The following POU6F2 variants were observed in gnomAD, a reference collection of about 807,000 sequenced individuals.
The protein encoded by POU6F2 is POU domain, class 6, transcription factor 2.
POU6F2 carries 31 observed loss-of-function variants against 71.3 expected under a neutral mutation model. That is an observed-to-expected ratio of 0.43 (90% CI 0.33 to 0.59). The LOEUF is 0.59. Among genes scored for constraint, POU6F2 ranks in the 20% least tolerant of loss-of-function variants. POU6F2 has a pLI of 0.04. For missense variants in POU6F2, 783 were observed against 856.8 expected (o/e 0.91, Z 1.07); for synonymous variants, 347 against 355.7 (o/e 0.98, Z 0.27).
At chr7:39,243,750 CTGTT>C (rs972849718) in intron 4 of POU6F2, among the ~76,000 whole-genome samples, 4 of 151,858 alleles carry the variant, frequency 2.6e-5, no homozygotes, top group African/African-American at 9.7e-5. Context: ...AAACCCAGCT[CTGTT>C]AGGATAGTAC....
chr7:39,455,693 C>T (rs187065712), intron 8 of POU6F2, among the ~76,000 whole-genome samples: 156 of 152,096 alleles, frequency 1.0e-3, no homozygotes, highest in African/African-American at 3.4e-3. Context: ...CACTGATGCC[C>T]GGGCTAAGAG....
chr7:39,079,985 G>A (rs979918952), intron 1 of POU6F2, among the ~76,000 whole-genome samples: 9 of 152,038 alleles, frequency 5.9e-5, no homozygotes, highest in South Asian at 4.1e-4. Flanking sequence ...AAAATAATCC[G>A]TTGTGGGTGA....
intron 2 of POU6F2, among the ~76,000 whole-genome samples, chr7:39,181,438 T>C (rs1280980239): frequency 6.6e-6 from 1 of 152,204 alleles, no homozygotes; most frequent in Non-Finnish European, 1.5e-5. Flanking sequence ...CCTAGGCTTA[T>C]TCTGCATCAT....
intron 1 of POU6F2, among the ~76,000 whole-genome samples, chr7:39,001,677 ATGGTG>A (rs1788912944): frequency 2.0e-5 from 3 of 151,118 alleles, no homozygotes; most frequent in Non-Finnish European, 4.4e-5. Context: ...GGTGATGGTG[ATGGTG>A]ATGGTGATAT....
At chr7:39,362,037 C>G (rs1398677190) in intron 5 of POU6F2, among the ~76,000 whole-genome samples, 2 of 152,222 alleles carry the variant, frequency 1.3e-5, no homozygotes, top group African/African-American at 4.8e-5. Flanking sequence ...GTGGTGATGT[C>G]TGAGAGTATA....
chr7:39,044,524 A>T (rs889804335), intron 1 of POU6F2, among the ~76,000 whole-genome samples: 5 of 152,010 alleles, frequency 3.3e-5, no homozygotes, highest in African/African-American at 9.7e-5. Flanking sequence ...TAAAATTAAA[A>T]GACGTTGTTT....
At chr7:39,066,637 G>A (rs1790759505) in intron 1 of POU6F2, among the ~76,000 whole-genome samples, 1 of 151,188 alleles carries the variant, frequency 6.6e-6, no homozygotes, top group Non-Finnish European at 1.5e-5. Context: ...ACATCTTCCT[G>A]ATAATAATAA....
At chr7:39,122,357 C>T (rs1792059751) in intron 2 of POU6F2, among the ~76,000 whole-genome samples, 1 of 152,228 alleles carries the variant, frequency 6.6e-6, no homozygotes, top group Admixed American at 6.5e-5. Context: ...AAGCTAGCTT[C>T]ACCACTCTCT....
intron 1 of POU6F2, among the ~76,000 whole-genome samples, chr7:39,027,303 C>A (rs2128708185): frequency 6.6e-6 from 1 of 152,290 alleles, no homozygotes; most frequent in African/African-American, 2.4e-5. Context: ...TACTGTACAT[C>A]AAGCAGGTGT....
chr7:39,130,999 A>G (rs975201449), intron 2 of POU6F2, among the ~76,000 whole-genome samples: 1 of 152,244 alleles, frequency 6.6e-6, no homozygotes. Context: ...AAAGCATGAC[A>G]TTCCTTGTTA....
intron 2 of POU6F2, chr7:39,132,415 G>C (rs1015000442): frequency 1.3e-5 from 2 of 152,162 alleles, no homozygotes; most frequent in African/African-American, 4.8e-5. Flanking sequence ...AGAGGCAAAT[G>C]ATGACCCTAC....
intron 2 of POU6F2, among the ~76,000 whole-genome samples, chr7:39,160,668 A>G (rs1345414452): frequency 6.6e-6 from 1 of 152,146 alleles, no homozygotes; most frequent in Non-Finnish European, 1.5e-5. Flanking sequence ...AGCCCTATTT[A>G]AAAATCAGCC....
At chr7:39,187,268 T>C (rs1793559902) in intron 2 of POU6F2, among the ~76,000 whole-genome samples, 1 of 152,142 alleles carries the variant, frequency 6.6e-6, no homozygotes, top group Non-Finnish European at 1.5e-5. Flanking sequence ...GTCCTAAGGC[T>C]CTTGCTAGAT....
At chr7:39,444,931 GA>G (rs577355781) in intron 7 of POU6F2, among the ~76,000 whole-genome samples, 26 of 151,748 alleles carry the variant, frequency 1.7e-4, no homozygotes, top group East Asian at 5.8e-4. Flanking sequence ...AAAATGAAAG[GA>G]AAAAAAATCT....
intron 2 of POU6F2, among the ~76,000 whole-genome samples, chr7:39,194,688 C>G (rs536418346): frequency 2.6e-5 from 4 of 152,336 alleles, no homozygotes; most frequent in East Asian, 1.9e-4. Context: ...TCCCCTTCTA[C>G]GCTGTGGGAT....
At position 39,010,256 on chromosome 7, in the gene POU6F2, G is replaced by T. The variant is rs1274400972; in HGVS notation, c.105+32198G>T. Reference sequence around the variant, plus strand: ...TTCTTCCTGGTTTAGTCTTGGGAGGGTGTATGTGTTGAGGAATTTATCCAT... The same window carrying T: ...TTCTTCCTGGTTTAGTCTTGGGAGGTTGTATGTGTTGAGGAATTTATCCAT... On this transcript the variant is annotated intron_variant, in intron 1 of 9. Transcript: ENST00000518318. Among the ~76,000 whole-genome samples the T allele has an allele frequency of 6.8e-5, 10 of 147,970 alleles. 1 individual carries two copies. Among genetic ancestry groups the T allele is most frequent in the Non-Finnish European group, 1.5e-4 (10 of 66,802 alleles).
At chr7:39,093,720 A>G (rs1191611838) in intron 2 of POU6F2, among the ~76,000 whole-genome samples, 1 of 152,124 alleles carries the variant, frequency 6.6e-6, no homozygotes, top group Non-Finnish European at 1.5e-5. Context: ...TTAAAGACTG[A>G]TATTAACACA....
chr7:39,292,971 C>T (rs1784789268), intron 4 of POU6F2, among the ~76,000 whole-genome samples: 2 of 152,108 alleles, frequency 1.3e-5, no homozygotes, highest in South Asian at 2.1e-4. Context: ...TTCCAAACCC[C>T]GAATCTTGCT....
At chr7:39,461,526 C>T (rs1788949821) in intron 9 of POU6F2, among the ~76,000 whole-genome samples, 1 of 152,178 alleles carries the variant, frequency 6.6e-6, no homozygotes, top group South Asian at 2.1e-4. Context: ...AGCCAAGAAA[C>T]CAACTCTAAA....
Sources: allele counts gnomAD v4.1 joint callset (sites outside exome capture counted in the v4.1 genomes callset), GRCh38; gene constraint gnomAD v4.1.1; transcripts MANE v1.5; gene names NCBI Gene and HGNC (gene_info 2026-07-23, HGNC 2026-07-21).